TPD52L1: variants seen among roughly 807,000 people sequenced by gnomAD.
The protein encoded by TPD52L1 is TPD52 like 1.
Under a neutral mutation model 28.7 loss-of-function variants are expected in TPD52L1, and 18 were observed. That is an observed-to-expected ratio of 0.63 (90% CI 0.43 to 0.93). The LOEUF is 0.93. TPD52L1 is among the 40% of genes least tolerant of loss of function. The probability of loss-of-function intolerance (pLI) is 0.00; values close to 1 mark genes in which losing one functional copy is unlikely to be tolerated. For missense variants in TPD52L1, 203 were observed against 254.8 expected, an observed-to-expected ratio of 0.80 and a Z score of 1.39; for synonymous variants, 75 against 88.8, an observed-to-expected ratio of 0.84 and a Z score of 0.88.
chr6:125,230,239 T>C (rs1795870024), intron 3 of TPD52L1, among the ~76,000 whole-genome samples: 1 of 152,196 alleles, frequency 6.6e-6, no homozygotes, highest in Non-Finnish European at 1.5e-5. Flanking sequence ...GATGGTACTT[T>C]TCTAATGTTG....
chr6:125,178,126 CAA>C (rs1791931948), intron 1 of TPD52L1, among the ~76,000 whole-genome samples: 1 of 152,052 alleles, frequency 6.6e-6, no homozygotes, highest in African/African-American at 2.4e-5. Context: ...TATAAAATAA[CAA>C]ATATTCAAGT....
At chr6:125,252,042 C>T (rs563646838) in intron 4 of TPD52L1, 43 of 1,535,974 alleles carry the variant, frequency 2.8e-5, no homozygotes, top group South Asian at 2.3e-4. Flanking sequence ...ATCGGGTAAG[C>T]GCCACAGGGC....
chr6:125,163,926 A>G (rs1790702092), intron 1 of TPD52L1, among the ~76,000 whole-genome samples: 1 of 150,932 alleles, frequency 6.6e-6, no homozygotes, highest in Non-Finnish European at 1.5e-5. Context: ...CAAAAAAAAA[A>G]AAAAAGAAAA....
chr6:125,185,121 A>G lies in TPD52L1; in HGVS notation c.19+31151A>G, dbSNP rs141521126. ...AGAAAGAGGAGCAATTTGTAAAGTC[A>G]TAAACTTCCATGTCCAAATAACACA... On this transcript the variant is annotated intron_variant, in intron 1 of 6. Transcript: ENST00000534000. Among the ~76,000 whole-genome samples, 58 of 152,348 alleles carry G rather than the reference A, an allele frequency of 3.8e-4. No homozygotes were observed. The East Asian group carries it at 9.8e-3, about 26-fold the overall frequency.
chr6:125,160,659 T>G (rs375945667), intron 1 of TPD52L1, among the ~76,000 whole-genome samples: 6 of 152,208 alleles, frequency 3.9e-5, no homozygotes, highest in Non-Finnish European at 7.3e-5. Context: ...AAGCATCGAC[T>G]CCTCCTCTCT....
intron 1 of TPD52L1, among the ~76,000 whole-genome samples, chr6:125,178,086 T>C (rs981031623): frequency 2.0e-5 from 3 of 152,172 alleles, no homozygotes; most frequent in African/African-American, 7.2e-5. Flanking sequence ...CCTGATAGTC[T>C]CTCAATAGAC....
intron 2 of TPD52L1, among the ~76,000 whole-genome samples, chr6:125,227,435 C>T (rs1388977179): frequency 1.3e-5 from 2 of 152,124 alleles, no homozygotes; most frequent in Non-Finnish European, 2.9e-5. Flanking sequence ...AACGCATTTG[C>T]AAGATGACTG....
At chr6:125,176,834 C>T (rs1386605255) in intron 1 of TPD52L1, among the ~76,000 whole-genome samples, 2 of 151,976 alleles carry the variant, frequency 1.3e-5, no homozygotes, top group African/African-American at 2.4e-5. Flanking sequence ...CCCAGAAGTT[C>T]GAGACCAGCC....
chr6:125,177,140 C>A (rs1235448574), intron 1 of TPD52L1, among the ~76,000 whole-genome samples: 1 of 152,202 alleles, frequency 6.6e-6, no homozygotes, highest in Non-Finnish European at 1.5e-5. Flanking sequence ...GATACATTCA[C>A]CCGTACATTG....
chr6:125,186,693 C>A (rs1176925048), intron 1 of TPD52L1, among the ~76,000 whole-genome samples: 1 of 152,116 alleles, frequency 6.6e-6, no homozygotes, highest in Non-Finnish European at 1.5e-5. Flanking sequence ...TTTATCAAAA[C>A]GGTGTGACGT....
chr6:125,185,894 A>ATTTTTTTT lies in TPD52L1; in HGVS notation c.19+31934_19+31941dup, dbSNP rs536833440. 1.1e-3 allele frequency among the ~76,000 whole-genome samples: 145 copies of ATTTTTTTT among 130,444 alleles called. 3 individuals carry two copies. The highest frequency in any genetic ancestry group is 8.1e-3 in the East Asian group (33 of 4,090). The allele number at this position is 130,444 out of a possible 152,430, so 85.6% of individuals were successfully genotyped here. Reference sequence around the variant, plus strand: ...CCATGTATAACTTTTTGGAAATTTGATTTTTTTTTTTTTTTTTGAGACAGA... The same window carrying ATTTTTTTT: ...CCATGTATAACTTTTTGGAAATTTGATTTTTTTTTTTTTTTTTTTTTTTTTGAGACAGA... On this transcript the variant is annotated intron_variant, in intron 1 of 6. Coordinates refer to ENST00000534000, the MANE Select transcript of TPD52L1 (RefSeq NM_003287.4).
At chr6:125,216,869 G>A (rs1027910806) in intron 1 of TPD52L1, among the ~76,000 whole-genome samples, 5 of 152,022 alleles carry the variant, frequency 3.3e-5, no homozygotes, top group African/African-American at 1.2e-4. Flanking sequence ...TATTGATTCA[G>A]ACATAAGGAT....
At chr6:125,259,687 T>C (rs998527919) in intron 6 of TPD52L1, among the ~76,000 whole-genome samples, 2 of 152,174 alleles carry the variant, frequency 1.3e-5, no homozygotes, top group Non-Finnish European at 2.9e-5. Context: ...ATAAATACAT[T>C]ATATGGCCTG....
chr6:125,172,152 CTTTCTTTTCTTTCTTT>C (rs1791413882), intron 1 of TPD52L1, among the ~76,000 whole-genome samples: 7 of 51,344 alleles, frequency 1.4e-4, no homozygotes, highest in Middle Eastern at 0.012. Context: ...TTCTTTCTTT[CTTTCTTTTCTTTCTTT>C]CTTTCTTTCT....
At chr6:125,219,295 A>G (rs1206996986) in intron 1 of TPD52L1, among the ~76,000 whole-genome samples, 2 of 152,216 alleles carry the variant, frequency 1.3e-5, no homozygotes, top group African/African-American at 4.8e-5. Flanking sequence ...TTTATCTCAC[A>G]TAACAAGTTA....
At chr6:125,188,566 G>A (rs758682117) in intron 1 of TPD52L1, among the ~76,000 whole-genome samples, 11 of 152,142 alleles carry the variant, frequency 7.2e-5, no homozygotes, top group Non-Finnish European at 1.2e-4. Context: ...CTGTGTGTGT[G>A]TGCATATAAA....
At chr6:125,235,101 C>CAAG (rs1796178438) in intron 3 of TPD52L1, among the ~76,000 whole-genome samples, 1 of 142,550 alleles carries the variant, frequency 7.0e-6, no homozygotes, top group Non-Finnish European at 1.5e-5. Flanking sequence ...CTACAAATAA[C>CAAG]AATAATAATA....
At chr6:125,258,885 A>G (rs1797753989) in intron 6 of TPD52L1, among the ~76,000 whole-genome samples, 1 of 152,148 alleles carries the variant, frequency 6.6e-6, no homozygotes, top group Non-Finnish European at 1.5e-5. Flanking sequence ...TTCCTATTTC[A>G]TGGCCAAAGC....
intron 6 of TPD52L1, chr6:125,260,990 G>GA (rs1562410885): frequency 1.4e-4 from 6 of 43,816 alleles, no homozygotes; most frequent in Admixed American, 2.8e-4. Flanking sequence ...AGAAAAGAAA[G>GA]AAAGAAAGAA....
Sources: gnomAD v4.1 joint callset for allele counts (sites outside exome capture counted in the v4.1 genomes callset) on GRCh38, gnomAD v4.1.1 for gene constraint, MANE v1.5 for transcripts, NCBI Gene and HGNC (gene_info 2026-07-23, HGNC 2026-07-21) for gene names.